Variants in LINGO2 observed in about 807,000 individuals in gnomAD.
LINGO2 encodes leucine rich repeat and Ig domain containing 2.
A neutral mutation model predicts 30.6 loss-of-function variants in LINGO2; 14 were observed. That is an observed-to-expected ratio of 0.46 (90% CI 0.30 to 0.72). LINGO2 has a LOEUF of 0.72. Ranked by LOEUF, LINGO2 falls within the 30% of genes least tolerant of loss-of-function variation. The probability of loss-of-function intolerance (pLI) is 0.07; values close to 1 mark genes in which losing one functional copy is unlikely to be tolerated. For missense variants in LINGO2, 729 were observed against 751.7 expected, an observed-to-expected ratio of 0.97 and a Z score of 0.35; for synonymous variants, 317 against 288.5, an observed-to-expected ratio of 1.10 and a Z score of -1.00.
chr9:28,896,411 TATC>T, the LINGO2 span, among the ~76,000 whole-genome samples: 1 of 152,138 alleles, frequency 6.6e-6, no homozygotes, highest in Non-Finnish European at 1.5e-5. Flanking sequence ...TTATGAATTT[TATC>T]ATACGTATCA....
chr9:28,700,798 T>C, the LINGO2 span, among the ~76,000 whole-genome samples: 1 of 152,068 alleles, frequency 6.6e-6, no homozygotes, highest in African/African-American at 2.4e-5. Flanking sequence ...TCACTCCACA[T>C]CCTTACCAGC....
At chr9:28,459,150 T>C (rs559368779) in intron 2 of LINGO2, among the ~76,000 whole-genome samples, 2 of 152,048 alleles carry the variant, frequency 1.3e-5, no homozygotes, top group Non-Finnish European at 2.9e-5. Flanking sequence ...GCTTAAATTA[T>C]GAAAATAATG....
At chr9:28,153,207 C>A (rs966828950) in intron 4 of LINGO2, among the ~76,000 whole-genome samples, 14 of 152,020 alleles carry the variant, frequency 9.2e-5, no homozygotes, top group African/African-American at 3.1e-4. Flanking sequence ...TAATTTTGAC[C>A]TGTTAATTTT....
At chr9:27,967,182 T>C (rs536211260) in intron 5 of LINGO2, among the ~76,000 whole-genome samples, 4 of 152,318 alleles carry the variant, frequency 2.6e-5, no homozygotes, top group African/African-American at 4.8e-5. Context: ...TACCAGCTTC[T>C]GTAACAGATA....
chr9:28,053,102 G>A (rs1391502108), intron 4 of LINGO2, among the ~76,000 whole-genome samples: 1 of 151,998 alleles, frequency 6.6e-6, no homozygotes, highest in East Asian at 1.9e-4. Flanking sequence ...CCCTGTGACA[G>A]GGGAACCATA....
At chr9:28,506,485 C>CATAT (rs1491111372) in intron 1 of LINGO2, among the ~76,000 whole-genome samples, 1,453 of 73,248 alleles carry the variant, frequency 0.02, 236 homozygotes, top group Middle Eastern at 0.079. Flanking sequence ...CACACATACA[C>CATAT]ATACACACAC....
chr9:29,016,813 T>C, the LINGO2 span, among the ~76,000 whole-genome samples: 3 of 152,196 alleles, frequency 2.0e-5, no homozygotes, highest in African/African-American at 7.2e-5. Flanking sequence ...CAAAATTTAA[T>C]AGCCAAAAAC....
chr9:28,117,766 G>C (rs1193290130), intron 4 of LINGO2, among the ~76,000 whole-genome samples: 1 of 148,550 alleles, frequency 6.7e-6, no homozygotes, highest in African/African-American at 2.5e-5. Flanking sequence ...GCCCTGCTTC[G>C]GCTCGCGGAC....
the LINGO2 span, among the ~76,000 whole-genome samples, chr9:28,808,351 T>C: frequency 5.3e-5 from 8 of 152,224 alleles, no homozygotes; most frequent in Non-Finnish European, 1.2e-4. Flanking sequence ...TGCTACTTTA[T>C]AGTTTTGTTT....
At chr9:28,039,446 A>G (rs575552672) in intron 4 of LINGO2, among the ~76,000 whole-genome samples, 3 of 152,300 alleles carry the variant, frequency 2.0e-5, no homozygotes, top group South Asian at 2.1e-4. Flanking sequence ...GACAAGAGGG[A>G]AAAAATAAAG....
chr9:28,829,376 A>T, the LINGO2 span, among the ~76,000 whole-genome samples: 4 of 152,000 alleles, frequency 2.6e-5, no homozygotes, highest in African/African-American at 9.7e-5. Context: ...AGGATACAGA[A>T]GGTTGTCACA....
the LINGO2 span, among the ~76,000 whole-genome samples, chr9:29,023,916 G>C: frequency 2.1e-4 from 32 of 152,212 alleles, no homozygotes; most frequent in African/African-American, 7.7e-4. Flanking sequence ...ACAGATCTAT[G>C]TTTCCTATGA....
chr9:28,531,015 A>G (rs1587813371), intron 1 of LINGO2, among the ~76,000 whole-genome samples: 2 of 148,858 alleles, frequency 1.3e-5, no homozygotes, highest in African/African-American at 4.9e-5. Flanking sequence ...AATAAACCAA[A>G]AAATTAATAT....
At chr9:28,984,247 G>C in the LINGO2 span, among the ~76,000 whole-genome samples, 9 of 152,042 alleles carry the variant, frequency 5.9e-5, no homozygotes, top group Non-Finnish European at 8.8e-5. Flanking sequence ...AATAGTTAGG[G>C]ATTTTTGAAG....
the LINGO2 span, among the ~76,000 whole-genome samples, chr9:28,958,704 G>T: frequency 6.6e-6 from 1 of 151,898 alleles, no homozygotes; most frequent in Middle Eastern, 3.2e-3. Flanking sequence ...AGAAAGGAGA[G>T]AAGAGGAGAA....
the LINGO2 span, among the ~76,000 whole-genome samples, chr9:28,922,482 T>C: frequency 6.6e-6 from 1 of 152,116 alleles, no homozygotes; most frequent in Non-Finnish European, 1.5e-5. Context: ...GGATATCCAC[T>C]GTAAGTAAAA....
chr9:29,090,319 C>G, the LINGO2 span, among the ~76,000 whole-genome samples: 2 of 151,994 alleles, frequency 1.3e-5, no homozygotes, highest in African/African-American at 4.8e-5. Flanking sequence ...AAGTCCTGTT[C>G]AAATGTTCCT....
chr9:28,146,595 A>G (rs1292453859), intron 4 of LINGO2, among the ~76,000 whole-genome samples: 1 of 151,996 alleles, frequency 6.6e-6, no homozygotes, highest in African/African-American at 2.4e-5. Context: ...TTTTAATAAT[A>G]TCTTTGAATA....
chr9:28,786,789 G>A, the LINGO2 span, among the ~76,000 whole-genome samples: 1 of 152,054 alleles, frequency 6.6e-6, no homozygotes, highest in Non-Finnish European at 1.5e-5. Context: ...AAATAACAGA[G>A]GGAAGTATGG....
Sources: gnomAD v4.1 joint callset for allele counts (sites outside exome capture counted in the v4.1 genomes callset) on GRCh38, gnomAD v4.1.1 for gene constraint, MANE v1.5 for transcripts, NCBI Gene and HGNC (gene_info 2026-07-23, HGNC 2026-07-21) for gene names.